MMRN1: variants seen among roughly 807,000 people sequenced by gnomAD.
MMRN1 encodes the protein multimerin 1.
A neutral mutation model predicts 100.7 loss-of-function variants in MMRN1; 94 were observed. The ratio of observed to expected loss-of-function variants is 0.93; its 90% CI spans 0.79 to 1.11. The LOEUF is 1.11. MMRN1 is among the 50% of genes least tolerant of loss of function. MMRN1 has a pLI of 0.00. For missense variants in MMRN1, 1,606 were observed against 1,439.1 expected (o/e 1.12, Z -1.88); for synonymous variants, 575 against 505.0 (o/e 1.14, Z -1.86).
chr4:89,951,231 C>CATGTATCGA (rs1723162708), intron 6 of MMRN1, among the ~76,000 whole-genome samples: 1 of 152,018 alleles, frequency 6.6e-6, no homozygotes, highest in Non-Finnish European at 1.5e-5. Context: ...ACCTTAGCAC[C>CATGTATCGA]ATGTATCGAA....
At chr4:89,886,481 G>T (rs1468791906) in intron 1 of MMRN1, among the ~76,000 whole-genome samples, 1 of 152,010 alleles carries the variant, frequency 6.6e-6, no homozygotes, top group Non-Finnish European at 1.5e-5. Context: ...CTGTATCAAT[G>T]AGGGTTCCAT....
chr4:89,925,613 C>T (rs984268359), intron 4 of MMRN1, among the ~76,000 whole-genome samples: 38 of 151,684 alleles, frequency 2.5e-4, no homozygotes, highest in African/African-American at 9.0e-4. Context: ...GGGTGGATCA[C>T]GAGGTCAGGA....
At chr4:89,896,726 A>C (rs1231615830) in intron 1 of MMRN1, among the ~76,000 whole-genome samples, 1 of 152,180 alleles carries the variant, frequency 6.6e-6, no homozygotes, top group Non-Finnish European at 1.5e-5. Flanking sequence ...GCTGATATAA[A>C]GGTGAGAAGA....
intron 5 of MMRN1, among the ~76,000 whole-genome samples, chr4:89,929,066 T>C (rs753097338): frequency 6.6e-5 from 10 of 152,108 alleles, no homozygotes; most frequent in East Asian, 1.9e-4. Flanking sequence ...ACCATCTCAA[T>C]TGATGTTAAC....
At chr4:89,908,247 T>G (rs2110594035) in intron 1 of MMRN1, among the ~76,000 whole-genome samples, 1 of 151,564 alleles carries the variant, frequency 6.6e-6, no homozygotes, top group South Asian at 2.1e-4. Flanking sequence ...CTGCATTGTC[T>G]ACTGCCCAAC....
Position 89,936,317 on chromosome 4 carries a change from A to C in MMRN1, c.2637A>C (p.Ser879=), listed in dbSNP as rs200857808. 5.8e-5 allele frequency: 93 copies of C among 1,612,690 alleles called. No homozygotes were observed. Among genetic ancestry groups the C allele is most frequent in the Non-Finnish European group, 7.6e-5 (90 of 1,179,482 alleles). ...VTQTLIPYYI[S]VKKGSVVTNE... is the part of the protein sequence containing the mutation. ...AGACGCTCATACCTTATTATATTTC[A>C]GTTAAAAAAGGCAGTGTAGTTACAA... is the stretch of plus-strand genomic sequence containing the variant. The change falls in exon 6 of 8, where the codon TCA becomes TCC. Residue 879 remains serine, a synonymous_variant. Coordinates refer to ENST00000264790, the MANE Select transcript of MMRN1 (RefSeq NM_007351.3).
chr4:89,902,476 T>C (rs2110587010), intron 1 of MMRN1, among the ~76,000 whole-genome samples: 1 of 152,118 alleles, frequency 6.6e-6, no homozygotes, highest in South Asian at 2.1e-4. Context: ...TATACTACTT[T>C]TCACTTTAAA....
chr4:89,926,123 CT>C (rs1241126824), intron 4 of MMRN1, among the ~76,000 whole-genome samples: 1 of 152,010 alleles, frequency 6.6e-6, no homozygotes, highest in Non-Finnish European at 1.5e-5. Flanking sequence ...TACAGATTTC[CT>C]TTCTTTTGTG....
At chr4:89,889,962 T>G (rs990634881), upstream of MMRN1, among the ~76,000 whole-genome samples, 1 of 152,022 alleles carries the variant, frequency 6.6e-6, no homozygotes, top group Non-Finnish European at 1.5e-5. Context: ...TGGAGGACCT[T>G]TCCTCCAAAG....
At chr4:89,931,562 G>A (rs996417011) in intron 5 of MMRN1, among the ~76,000 whole-genome samples, 4 of 152,034 alleles carry the variant, frequency 2.6e-5, no homozygotes, top group African/African-American at 7.3e-5. Flanking sequence ...AAAAACCTGA[G>A]ACAGGGTAAT....
At chr4:89,931,960 A>G (rs541665326) in intron 5 of MMRN1, among the ~76,000 whole-genome samples, 33 of 152,250 alleles carry the variant, frequency 2.2e-4, no homozygotes, top group Middle Eastern at 3.4e-3. Flanking sequence ...AGTCCCCCAA[A>G]GTCTTCATTC....
In MMRN1 at chr4:89,936,286, T is replaced by C; in HGVS notation, c.2606T>C (p.Val869Ala). ...ETRLQDIESK[V>A]TQTLIPYYIS... ...CGGTTGCAAGACATTGAGTCTAAAGTTACCCAGACGCTCATACCTTATTAT... is the reference window on the plus strand; with the variant it reads ...CGGTTGCAAGACATTGAGTCTAAAGCTACCCAGACGCTCATACCTTATTAT... The change falls in exon 6 of 8, where the codon GTT becomes GCT. Residue 869 changes from valine (V) to alanine (A), a missense_variant. Val to Ala is a moderately conservative substitution (Grantham distance 64). Coordinates refer to ENST00000264790, the MANE Select transcript of MMRN1 (RefSeq NM_007351.3). 6.2e-7 allele frequency: 1 copy of C among 1,611,510 alleles called. No individual in the cohort carries two copies. The highest frequency in any genetic ancestry group is 1.1e-5 in the South Asian group (1 of 90,344).
chr4:89,944,393 A>C (rs1481318397), intron 6 of MMRN1, among the ~76,000 whole-genome samples: 1 of 152,276 alleles, frequency 6.6e-6, no homozygotes, highest in East Asian at 1.9e-4. Flanking sequence ...GAAAGGGCCA[A>C]GTGTTATACC....
At chr4:89,901,743 A>G (rs1033324677) in intron 1 of MMRN1, among the ~76,000 whole-genome samples, 27 of 152,138 alleles carry the variant, frequency 1.8e-4, no homozygotes, top group Non-Finnish European at 3.7e-4. Context: ...CATTAATCAC[A>G]TTCTTTATTT....
At chr4:89,952,262 C>T (rs761754316) in intron 7 of MMRN1, among the ~76,000 whole-genome samples, 2 of 152,142 alleles carry the variant, frequency 1.3e-5, no homozygotes, top group African/African-American at 4.8e-5. Flanking sequence ...AACAAGATGG[C>T]TTTTTTATTT....
intron 5 of MMRN1, among the ~76,000 whole-genome samples, chr4:89,931,358 C>T (rs1722428002): frequency 6.6e-6 from 1 of 152,174 alleles, no homozygotes; most frequent in African/African-American, 2.4e-5. Context: ...AACTTACTTA[C>T]AAAATGGAGA....
chr4:89,918,295 G>T (rs1001836303), intron 3 of MMRN1, among the ~76,000 whole-genome samples: 1 of 150,940 alleles, frequency 6.6e-6, no homozygotes, highest in Admixed American at 6.6e-5. Flanking sequence ...TTCTTTTCTC[G>T]TAAAGCTGAA....
At chr4:89,911,804 A>C in intron 2 of MMRN1, 140 bp from the exon 3 acceptor site, 1 of 581,542 alleles carries the variant, frequency 1.7e-6, no homozygotes, top group South Asian at 2.1e-5. Flanking sequence ...GATGATGAAT[A>C]TTATGATTAT....
At chr4:89,941,805 T>A (rs1440914482) in intron 6 of MMRN1, among the ~76,000 whole-genome samples, 1 of 152,152 alleles carries the variant, frequency 6.6e-6, no homozygotes, top group African/African-American at 2.4e-5. Flanking sequence ...TCAGAACTGG[T>A]TAGGAGGCCT....
Sources: gnomAD v4.1 joint callset for allele counts (sites outside exome capture counted in the v4.1 genomes callset) on GRCh38, gnomAD v4.1.1 for gene constraint, MANE v1.5 for transcripts, NCBI Gene and HGNC (gene_info 2026-07-23, HGNC 2026-07-21) for gene names.